Variants in TGS1 observed in about 807,000 individuals in gnomAD.
TGS1 encodes trimethylguanosine synthase.
In TGS1, 69 loss-of-function variants were observed where a neutral mutation model predicts 92.2. The observed-to-expected ratio is 0.75, with a 90% CI of 0.62 to 0.91. The LOEUF (loss-of-function observed/expected upper bound fraction) is 0.91. Ranked by LOEUF, TGS1 falls within the 40% of genes least tolerant of loss-of-function variation. The probability of loss-of-function intolerance (pLI) is 0.00; values close to 1 mark genes in which losing one functional copy is unlikely to be tolerated. For missense variants in TGS1, 1,062 were observed against 1,001.2 expected, an observed-to-expected ratio of 1.06 and a Z score of -0.82; for synonymous variants, 345 against 338.1, an observed-to-expected ratio of 1.02 and a Z score of -0.22.
At chr8:55,806,392 A>T (rs1235716390) in intron 10 of TGS1, among the ~76,000 whole-genome samples, 1 of 151,300 alleles carries the variant, frequency 6.6e-6, no homozygotes, top group African/African-American at 2.4e-5. Context: ...AAAGAAAAAA[A>T]AAAACCTACC....
chr8:55,777,817 G>T (rs1336459085), intron 1 of TGS1, among the ~76,000 whole-genome samples: 1 of 152,112 alleles, frequency 6.6e-6, no homozygotes, highest in Non-Finnish European at 1.5e-5. Flanking sequence ...TTACATGCGT[G>T]TGGCTACCAT....
chr8:55,791,768 C>CT (rs199602024), intron 5 of TGS1, among the ~76,000 whole-genome samples: 3 of 152,058 alleles, frequency 2.0e-5, no homozygotes, highest in Admixed American at 6.6e-5. Flanking sequence ...AATAAAAGTT[C>CT]TTTTTTTTGG....
At chr8:55,786,038 C>G in intron 3 of TGS1, 147 bp downstream of exon 3, 1 of 776,218 alleles carries the variant, frequency 1.3e-6, no homozygotes, top group Non-Finnish European at 2.0e-6. Context: ...TTAACCAGAA[C>G]TGAAAGTTGT....
intron 12 of TGS1, among the ~76,000 whole-genome samples, chr8:55,817,009 C>A (rs555536749): frequency 6.6e-6 from 1 of 152,150 alleles, no homozygotes; most frequent in South Asian, 2.1e-4. Context: ...GGACTGCAGG[C>A]GCACACCACC....
intron 6 of TGS1, among the ~76,000 whole-genome samples, chr8:55,793,104 C>G (rs1811929524): frequency 6.6e-6 from 1 of 152,230 alleles, no homozygotes; most frequent in South Asian, 2.1e-4. Context: ...CTCTTCTCAC[C>G]TAGTGTCTCA....
At chr8:55,788,519 T>A (rs1470609490) in intron 4 of TGS1, among the ~76,000 whole-genome samples, 2 of 146,030 alleles carry the variant, frequency 1.4e-5, no homozygotes, top group Non-Finnish European at 3.0e-5. Context: ...GCAGTGGCAC[T>A]ATCTCAGCTC....
chr8:55,785,626 G>A (rs1811686075), intron 2 of TGS1, 93 bp from the exon 3 acceptor site: 8 of 899,318 alleles, frequency 8.9e-6, no homozygotes, highest in South Asian at 4.5e-5. Flanking sequence ...ATTTTGGGCG[G>A]GTCACTCTGG....
chr8:55,808,737 G>C (rs2130217088), intron 10 of TGS1, among the ~76,000 whole-genome samples: 1 of 152,126 alleles, frequency 6.6e-6, no homozygotes, highest in South Asian at 2.1e-4. Flanking sequence ...TCGAACTCCT[G>C]ACCTCAGGTG....
intron 10 of TGS1, 32 bp downstream of exon 10, chr8:55,805,068 T>C: frequency 6.3e-7 from 1 of 1,599,698 alleles, no homozygotes; most frequent in South Asian, 1.1e-5. Context: ...TGAACTATTT[T>C]ATGTCCAGTT....
In TGS1 at chr8:55,824,637, C is replaced by T. The variant is rs1260383806; in HGVS notation, c.2496C>T (p.Asn832=). The T allele has an allele frequency of 6.2e-7, 1 of 1,614,190 alleles. No homozygotes were observed. The highest frequency in any genetic ancestry group is 1.1e-5 in the South Asian group (1 of 91,086). The change falls in exon 13 of 13, where the codon AAC becomes AAT. Residue 832 remains asparagine, a synonymous_variant. Coordinates refer to ENST00000260129, the MANE Select transcript of TGS1 (RefSeq NM_024831.8). ...GQVEIEQNFL[N]NKLKTITAYF... is the part of the protein sequence containing the mutation. ...TGGAAATAGAACAGAACTTCCTTAA[C>T]AACAAATTGAAGACAATCACTGCAT...
At position 55,813,184 on chromosome 8, in the gene TGS1, C is replaced by G. The variant is rs1354265331; in HGVS notation, c.2439+66C>G. On this transcript the variant is annotated intron_variant, in intron 12 of 12. Coordinates refer to ENST00000260129, the MANE Select transcript of TGS1 (RefSeq NM_024831.8). ...ACTGTTACAAGTACGGTAAAAGATA[C>G]AGGACATATCCTTACCAGAGAATGT... 2.7e-6 allele frequency: 3 copies of G among 1,125,656 alleles called. No individual in the cohort carries two copies. The African/African-American group carries it at 4.6e-5, about 17-fold the overall frequency. The allele number at this position is 1,125,656 out of a possible 1,614,324, so 69.7% of individuals were successfully genotyped here. A position where few individuals can be genotyped will look rare whatever the true frequency, so the allele number is the denominator to read the frequency against.
At chr8:55,802,436 A>AG in intron 8 of TGS1, 21 bp from the exon 9 acceptor site, 1 of 1,605,976 alleles carries the variant, frequency 6.2e-7, no homozygotes, top group Admixed American at 1.7e-5. Flanking sequence ...GAGCATCTAT[A>AG]TTCTTTGTAT....
intron 1 of TGS1, among the ~76,000 whole-genome samples, chr8:55,778,030 A>G (rs1306739572): frequency 6.6e-6 from 1 of 152,090 alleles, no homozygotes; most frequent in Non-Finnish European, 1.5e-5. Flanking sequence ...CAAGTACTTC[A>G]GGAGGTTGAG....
At chr8:55,776,728 G>A (rs1256640114) in intron 1 of TGS1, among the ~76,000 whole-genome samples, 5 of 152,178 alleles carry the variant, frequency 3.3e-5, no homozygotes, top group Admixed American at 3.3e-4. Flanking sequence ...TTGGGCATAA[G>A]ACAATATGAG....
Position 55,796,082 on chromosome 8 carries a change from AAAAC to A in TGS1, c.1478_1481del (p.Lys493ThrfsTer19), listed in dbSNP as rs1438936010. On this transcript the variant is annotated frameshift_variant, in exon 7 of 13. Transcript: ENST00000260129. LOFTEE classifies it high-confidence loss of function. ...GACATGCGCAGACAAATAAAGATGA[AAAAC>A]AAACACATCTTCTTTACCAAAGAGT... 4 of 1,613,216 alleles carry A rather than the reference AAAAC, an allele frequency of 2.5e-6. No homozygotes were observed. Among genetic ancestry groups the A allele is most frequent in the Admixed American group, 3.3e-5 (2 of 59,978 alleles).
rs766836591 is a variant in TGS1 at position 55,786,274 on chromosome 8, AAG to A, written c.378_379del (p.Lys128ThrfsTer8). ...TACTAGAAATAAAGTTAAAATAAAA[AAG>A]AAAAAACATCAAAAGAAATACTTAG... ...MNTRNKVKIK[K>X]KKHQKKYLDE... On this transcript the variant is annotated frameshift_variant, in exon 4 of 13. Transcript: ENST00000260129. LOFTEE classifies it high-confidence loss of function. 2.4e-5 allele frequency: 36 copies of A among 1,508,430 alleles called. No individual in the cohort carries two copies. The highest frequency in any genetic ancestry group is 3.0e-5 in the Non-Finnish European group (34 of 1,115,456). The allele number at this position is 1,508,430 out of a possible 1,614,324, so 93.4% of individuals were successfully genotyped here.
chr8:55,822,716 G>T (rs555363647), intron 12 of TGS1, among the ~76,000 whole-genome samples: 14 of 151,590 alleles, frequency 9.2e-5, no homozygotes, highest in African/African-American at 2.9e-4. Flanking sequence ...TAGTGGGGGG[G>T]GTGCTTTTAA....
chr8:55,800,678 A>G (rs1230744617), intron 8 of TGS1, among the ~76,000 whole-genome samples: 5 of 152,230 alleles, frequency 3.3e-5, no homozygotes, highest in African/African-American at 1.2e-4. Flanking sequence ...TATTCCACCC[A>G]CAATGTCATT....
intron 12 of TGS1, among the ~76,000 whole-genome samples, chr8:55,819,827 A>T (rs1458162707): frequency 2.6e-5 from 4 of 152,196 alleles, no homozygotes; most frequent in African/African-American, 9.6e-5. Context: ...ATGTTTTGCC[A>T]ACTTTGTTTT....
Sources: gnomAD v4.1 joint callset for allele counts (sites outside exome capture counted in the v4.1 genomes callset) on GRCh38, gnomAD v4.1.1 for gene constraint, MANE v1.5 for transcripts, NCBI Gene and HGNC (gene_info 2026-07-23, HGNC 2026-07-21) for gene names.